The following TRAP1 variants were observed in gnomAD, a reference collection of about 807,000 sequenced individuals.
TRAP1 encodes the protein heat shock protein 75 kDa, mitochondrial.
TRAP1 carries 102 observed loss-of-function variants against 89.1 expected under a neutral mutation model. The observed-to-expected ratio is 1.15, with a 90% CI of 0.98 to 1.35. The LOEUF (loss-of-function observed/expected upper bound fraction) is 1.35, where lower values mean the gene tolerates loss of function less well. Ranked by LOEUF, TRAP1 falls within the 40% of genes most tolerant of loss-of-function variation. TRAP1 has a pLI of 0.00. For synonymous variants in TRAP1, 508 were observed against 388.0 expected, an observed-to-expected ratio of 1.31 and a Z score of -3.64; for missense variants, 1,256 against 945.3, an observed-to-expected ratio of 1.33 and a Z score of -4.31.
At chr16:3,661,813 C>G (rs944022858) in intron 16 of TRAP1, 174 bp downstream of exon 16, 4 of 779,586 alleles carry the variant, frequency 5.1e-6, no homozygotes, top group Non-Finnish European at 7.3e-6. Context: ...AAGGGGCTGG[C>G]CAGGTTCCAT....
At chr16:3,668,852 GCA>G (rs1567227367) in intron 11 of TRAP1, among the ~76,000 whole-genome samples, 1 of 152,202 alleles carries the variant, frequency 6.6e-6, no homozygotes, top group Non-Finnish European at 1.5e-5. Context: ...TGCAGGCTCA[GCA>G]CAGTTCTCAG....
chr16:3,697,589 G>C (rs556019978), intron 1 of TRAP1, among the ~76,000 whole-genome samples: 1 of 150,710 alleles, frequency 6.6e-6, no homozygotes, highest in African/African-American at 2.4e-5. Context: ...GCATGAACCC[G>C]GGAGACGGAG....
intron 6 of TRAP1, chr16:3,676,945 T>TCAGGAGGCTGAGG (rs1320650923): frequency 4.7e-4 from 72 of 154,024 alleles, no homozygotes; most frequent in Admixed American, 1.9e-3. Flanking sequence ...TCCCAGCTAC[T>TCAGGAGGCTGAGG]CAGGAGGCTG....
chr16:3,706,430 A>C (rs2051446867), intron 1 of TRAP1, among the ~76,000 whole-genome samples: 1 of 144,828 alleles, frequency 6.9e-6, no homozygotes, highest in Admixed American at 6.9e-5. Context: ...AGAAGGGCGC[A>C]CCACCACTCC....
In TRAP1 at chr16:3,662,062, A is replaced by T. The variant is rs766473188; in HGVS notation, c.1865T>A (p.Leu622Gln). The change falls in exon 16 of 18, where the codon CTG (leucine) becomes CAG (glutamine). Residue 622 changes from leucine to glutamine, a missense_variant. Physicochemically the swap from Leu to Gln is moderately radical, Grantham distance 113. Coordinates refer to ENST00000246957, the MANE Select transcript of TRAP1 (RefSeq NM_016292.3). ...VLEMGAARHF[L>Q]RMQQLAKTQE... ...GGTCTTGGCCAGCTGCTGCATGCGCAGGAAGTGGCGGGCAGCCCCCATCTC... is the reference window on the plus strand; with the variant it reads ...GGTCTTGGCCAGCTGCTGCATGCGCTGGAAGTGGCGGGCAGCCCCCATCTC... 4.0e-5 allele frequency: 65 copies of T among 1,613,374 alleles called. No homozygotes were observed. The highest frequency in any genetic ancestry group is 1.3e-4 in the Admixed American group (8 of 59,994).
At chr16:3,696,253 G>A (rs1234205360) in intron 1 of TRAP1, among the ~76,000 whole-genome samples, 1 of 152,192 alleles carries the variant, frequency 6.6e-6, no homozygotes, top group Admixed American at 6.6e-5. Context: ...AGCACACAGA[G>A]GAGCCTAGGA....
rs766207503 is a variant in TRAP1, at chr16:3,658,117, G to T, written c.*12C>A. ...GTCATCTGTGGTGTCAGTCCTTCTG[G>T]CCCCCTGGCTGTCAGTGTCGCTCCA... is the stretch of plus-strand genomic sequence containing the variant. On this transcript the variant is annotated 3_prime_UTR_variant, in exon 18 of 18. Transcript: ENST00000246957. 1 of 1,612,824 alleles carries T rather than the reference G, an allele frequency of 6.2e-7. No individual in the cohort carries two copies. Among genetic ancestry groups the T allele is most frequent in the Non-Finnish European group, 8.5e-7 (1 of 1,179,144 alleles).
chr16:3,661,924 GAAC>G (rs2043099720), intron 16 of TRAP1, 60 bp downstream of exon 16: 4 of 1,512,232 alleles, frequency 2.6e-6, no homozygotes, highest in South Asian at 1.3e-5. Context: ...CACAACAAAA[GAAC>G]ACCACACACA....
At chr16:3,685,369 C>T (rs1470523456) in intron 4 of TRAP1, among the ~76,000 whole-genome samples, 6 of 152,210 alleles carry the variant, frequency 3.9e-5, no homozygotes, top group South Asian at 4.1e-4. Flanking sequence ...CATTCATTCA[C>T]GCGTGCCTGC....
At chr16:3,661,233 A>G (rs2043055427) in intron 16 of TRAP1, 1 of 152,242 alleles carries the variant, frequency 6.6e-6, no homozygotes, top group African/African-American at 2.4e-5. Flanking sequence ...GATCACATTC[A>G]TGGGTGCAAA....
chr16:3,705,841 G>A (rs765752613), intron 1 of TRAP1, among the ~76,000 whole-genome samples: 2 of 151,380 alleles, frequency 1.3e-5, no homozygotes, highest in Non-Finnish European at 1.5e-5. Flanking sequence ...CACCACACCC[G>A]GCTAATTTTA....
chr16:3,701,967 T>C lies in TRAP1; in HGVS notation c.89-10982A>G, dbSNP rs139765969. Among the ~76,000 whole-genome samples the C allele has an allele frequency of 7.8e-3, 1,187 of 151,600 alleles. 37 individuals carry two copies. The South Asian group carries it at 0.1, about 13-fold the overall frequency. On this transcript the variant is annotated intron_variant, in intron 1 of 17. Coordinates refer to ENST00000246957, the MANE Select transcript of TRAP1 (RefSeq NM_016292.3). ...GGCTCACACCTGTTATCCCAGCACT[T>C]TGGGAGGCCAAGGCAGGTGGATCAC...
chr16:3,697,393 G>A lies in TRAP1; in HGVS notation c.89-6408C>T, dbSNP rs148205208. 8.9e-3 allele frequency among the ~76,000 whole-genome samples: 1,351 copies of A among 152,078 alleles called. 14 individuals are homozygous for A. The highest frequency in any genetic ancestry group is 0.041 in the Middle Eastern group (12 of 294). On this transcript the variant is annotated intron_variant, in intron 1 of 17. Transcript: ENST00000246957. ...ATTAAGGAAATTAGTCGCCAGGAGC[G>A]GTGGCTCACACCTGTAATCCCAGCA...
intron 1 of TRAP1, among the ~76,000 whole-genome samples, chr16:3,712,782 T>G (rs2151286613): frequency 6.6e-6 from 1 of 152,144 alleles, no homozygotes; most frequent in Non-Finnish European, 1.5e-5. Context: ...CCTGGCTAAT[T>G]TCTTTGTATT....
chr16:3,696,287 G>A (rs1028957459), intron 1 of TRAP1, among the ~76,000 whole-genome samples: 11 of 152,200 alleles, frequency 7.2e-5, no homozygotes, highest in Admixed American at 4.6e-4. Context: ...GCAGAAGGAC[G>A]AGAAAGGACG....
At chr16:3,677,748 AC>A in intron 5 of TRAP1, 90 bp from the exon 6 acceptor site, 1 of 1,451,012 alleles carries the variant, frequency 6.9e-7, no homozygotes, top group Non-Finnish European at 9.2e-7. Context: ...CACCGCTAAG[AC>A]CCCTTCATCC....
At chr16:3,658,493 C>T (rs2042855604) in intron 17 of TRAP1, 1 of 573,094 alleles carries the variant, frequency 1.7e-6, no homozygotes, top group Middle Eastern at 4.7e-4. Flanking sequence ...ACCATCCTGG[C>T]CAAGATGGTG....
intron 9 of TRAP1, 39 bp from the exon 10 acceptor site, chr16:3,672,859 C>T: frequency 6.3e-7 from 1 of 1,586,312 alleles, no homozygotes; most frequent in Non-Finnish European, 8.6e-7. Context: ...CAGCACTGAC[C>T]CTCCCCAGGC....
intron 16 of TRAP1, 97 bp downstream of exon 16, chr16:3,661,890 G>T: frequency 1.4e-6 from 2 of 1,425,706 alleles, no homozygotes; most frequent in Non-Finnish European, 1.9e-6. Flanking sequence ...CAGGCCTCAC[G>T]CACTTTTCTT....
Sources: gnomAD v4.1 joint callset for allele counts (sites outside exome capture counted in the v4.1 genomes callset) on GRCh38, gnomAD v4.1.1 for gene constraint, MANE v1.5 for transcripts, NCBI Gene and HGNC (gene_info 2026-07-23, HGNC 2026-07-21) for gene names.